CCDC13: variants seen among roughly 807,000 people sequenced by gnomAD.
The protein encoded by CCDC13 is coiled-coil domain-containing protein 13.
CCDC13 carries 70 observed loss-of-function variants against 87.3 expected under a neutral mutation model. That is an observed-to-expected ratio of 0.80 (90% CI 0.66 to 0.98). The LOEUF (loss-of-function observed/expected upper bound fraction) is 0.98, where lower values mean the gene tolerates loss of function less well. Among genes scored for constraint, CCDC13 ranks in the 50% least tolerant of loss-of-function variants. The pLI, the probability that CCDC13 is intolerant of heterozygous loss-of-function variation, is 0.00. For missense variants in CCDC13, 842 were observed against 892.0 expected, an observed-to-expected ratio of 0.94 and a Z score of 0.71; for synonymous variants, 317 against 360.3, an observed-to-expected ratio of 0.88 and a Z score of 1.36.
intron 14 of CCDC13, among the ~76,000 whole-genome samples, chr3:42,712,557 T>C (rs948460987): frequency 6.6e-6 from 1 of 152,146 alleles, no homozygotes; most frequent in Non-Finnish European, 1.5e-5. Flanking sequence ...AGAGCAGAAG[T>C]GACATATGCA....
chr3:42,725,326 G>A (rs1007043999), intron 13 of CCDC13, among the ~76,000 whole-genome samples: 3 of 152,076 alleles, frequency 2.0e-5, no homozygotes, highest in African/African-American at 7.2e-5. Context: ...TTGTGATACA[G>A]ATATACTCCC....
Position 42,758,280 on chromosome 3 carries a change from C to T in CCDC13, c.66G>A (p.Gln22=), listed in dbSNP as rs1240689502. ...CCATCTGCTTCTGTAACCGTTTGTG[C>T]TGCATCTCCTGCATTGCCTTGAACT... The part of the protein sequence containing the change: ...RLQFKAMQEM[Q]HKRLQKQMEK... The change falls in exon 2 of 16, where the codon CAG becomes CAA. Residue 22 remains glutamine, a synonymous_variant. Coordinates refer to ENST00000310232, the MANE Select transcript of CCDC13 (RefSeq NM_144719.4). The T allele has an allele frequency of 1.2e-6, 2 of 1,613,534 alleles. No individual in the cohort carries two copies. Among genetic ancestry groups the T allele is most frequent in the Non-Finnish European group, 1.7e-6 (2 of 1,180,040 alleles).
In CCDC13 at chr3:42,730,553, T is replaced by C. The variant is rs1698801038; in HGVS notation, c.1632A>G (p.Ala544=). 1 of 1,614,026 alleles carries C rather than the reference T, an allele frequency of 6.2e-7. No homozygotes were observed. Among genetic ancestry groups the C allele is most frequent in the African/African-American group, 1.3e-5 (1 of 74,936 alleles). ...SDSPEQKGWQ[A]QVSEIKALWQ... ...AGAGGGCCTTGATCTCTGACACTTG[T>C]GCCTGCCAGCCTTTTTGTTCTGGGG... Residue 544 remains alanine (A), a synonymous_variant, in exon 13 of 16, where the codon GCA becomes GCG. Transcript: ENST00000310232.
At position 42,726,024 on chromosome 3, in the gene CCDC13, G is replaced by A. The variant is rs569782371; in HGVS notation, c.1718+4443C>T. Among the ~76,000 whole-genome samples, 177 of 152,292 alleles carry A rather than the reference G, an allele frequency of 1.2e-3. 1 individual carries two copies. Among genetic ancestry groups the A allele is most frequent in the Middle Eastern group, 0.01 (3 of 294 alleles). ...GAAAGAACAAATGCTATAAGAAAGA[G>A]AACAAGAGGGTTTTGTTGTTGTTGT... is the stretch of plus-strand genomic sequence containing the variant. On this transcript the variant is annotated intron_variant, in intron 13 of 15. Coordinates refer to ENST00000310232, the MANE Select transcript of CCDC13 (RefSeq NM_144719.4).
At chr3:42,763,994 C>CA (rs1274571832) in intron 1 of CCDC13, among the ~76,000 whole-genome samples, 1 of 152,120 alleles carries the variant, frequency 6.6e-6, no homozygotes, top group African/African-American at 2.4e-5. Flanking sequence ...AGGACAACTC[C>CA]AAGGTTGGGA....
rs772892318 is a variant in CCDC13 at position 42,747,280 on chromosome 3, G to A, written c.697C>T (p.Gln233Ter). ...DLRNQIQSVKQELRMAQKVLA... is the reference protein window; with the variant it reads ...DLRNQIQSVK ...ACCTTCTGTGCCATCCGCAGCTCCT[G>A]CTTCACAGACTGGATCTGGTTTCGG... Residue 233 changes from glutamine (Q) to a stop codon, truncating the protein, a stop_gained, in exon 6 of 16, where the codon CAG becomes TAG. Transcript: ENST00000310232. LOFTEE classifies it high-confidence loss of function. 2.1e-5 allele frequency: 34 copies of A among 1,613,964 alleles called. No homozygotes were observed. Among genetic ancestry groups the A allele is most frequent in the Non-Finnish European group, 2.9e-5 (34 of 1,179,982 alleles).
At chr3:42,733,244 A>G (rs1373228571) in intron 11 of CCDC13, among the ~76,000 whole-genome samples, 4 of 152,230 alleles carry the variant, frequency 2.6e-5, no homozygotes, top group Admixed American at 1.3e-4. Flanking sequence ...GCTCTTACAG[A>G]GAGCTGCAAC....
chr3:42,731,039 T>A (rs1274564025), intron 12 of CCDC13, among the ~76,000 whole-genome samples: 2 of 152,142 alleles, frequency 1.3e-5, no homozygotes, highest in Non-Finnish European at 2.9e-5. Flanking sequence ...CCCACTTTCC[T>A]GGAGCCTGTG....
At chr3:42,716,945 T>G (rs1400110987) in intron 13 of CCDC13, among the ~76,000 whole-genome samples, 2 of 152,220 alleles carry the variant, frequency 1.3e-5, no homozygotes, top group East Asian at 3.8e-4. Context: ...ATGAATAGAT[T>G]GACAAAATGT....
chr3:42,716,113 A>G (rs1386768188), intron 13 of CCDC13, among the ~76,000 whole-genome samples: 1 of 152,204 alleles, frequency 6.6e-6, no homozygotes, highest in Non-Finnish European at 1.5e-5. Context: ...CCACATACCA[A>G]CTACTGTGTT....
intron 8 of CCDC13, among the ~76,000 whole-genome samples, chr3:42,742,401 A>G (rs927159969): frequency 2.6e-5 from 4 of 152,202 alleles, no homozygotes; most frequent in Non-Finnish European, 4.4e-5. Flanking sequence ...ACCTGAAGCT[A>G]GGCCACCTCT....
chr3:42,712,679 C>T lies in CCDC13; in HGVS notation c.1873+483G>A, dbSNP rs529757276. 3.5e-4 allele frequency among the ~76,000 whole-genome samples: 54 copies of T among 152,308 alleles called. No individual in the cohort carries two copies. In the Middle Eastern group the frequency reaches 0.014, roughly 38 times the overall value. On this transcript the variant is annotated intron_variant, in intron 14 of 15. Coordinates refer to ENST00000310232, the MANE Select transcript of CCDC13 (RefSeq NM_144719.4). ...GAAGATGGAAGCTGCATGTTGAGAA[C>T]AGTGGAGCCACAAAACAGAGGGAGC...
chr3:42,744,406 C>T (rs1699329468), intron 7 of CCDC13, among the ~76,000 whole-genome samples: 1 of 152,170 alleles, frequency 6.6e-6, no homozygotes, highest in South Asian at 2.1e-4. Flanking sequence ...GCTAGGCTCC[C>T]TGGCAAAGGG....
chr3:42,747,832 G>A (rs551382654), intron 5 of CCDC13, among the ~76,000 whole-genome samples: 1 of 152,308 alleles, frequency 6.6e-6, no homozygotes, highest in African/African-American at 2.4e-5. Flanking sequence ...AGGAAACCAC[G>A]TTATTCCCCG....
At chr3:42,756,406 TGGGGCCACCATG>T (rs1699704748) in intron 3 of CCDC13, among the ~76,000 whole-genome samples, 2 of 152,138 alleles carry the variant, frequency 1.3e-5, no homozygotes, top group South Asian at 4.1e-4. Flanking sequence ...ACCAGACTCA[TGGGGCCACCATG>T]AGGTCTCCAC....
intron 6 of CCDC13, 191 bp downstream of exon 6, chr3:42,747,066 T>G: frequency 1.4e-6 from 1 of 706,088 alleles, no homozygotes; most frequent in Non-Finnish European, 2.6e-6. Context: ...CCAGCGACTC[T>G]GCCCACCAAA....
chr3:42,763,880 G>A (rs144726921), intron 1 of CCDC13, among the ~76,000 whole-genome samples: 1 of 152,142 alleles, frequency 6.6e-6, no homozygotes, highest in Admixed American at 6.5e-5. Flanking sequence ...CTGAGACCAC[G>A]TGCCCAAGGT....
intron 13 of CCDC13, among the ~76,000 whole-genome samples, chr3:42,725,963 C>G (rs141819523): frequency 1.3e-5 from 2 of 152,064 alleles, no homozygotes; most frequent in Admixed American, 1.3e-4. Flanking sequence ...GGAATAAGTT[C>G]AAAATTATTT....
intron 3 of CCDC13, among the ~76,000 whole-genome samples, chr3:42,755,268 C>G (rs1699680568): frequency 6.6e-6 from 1 of 152,120 alleles, no homozygotes; most frequent in South Asian, 2.1e-4. Flanking sequence ...CCAAAAGAAA[C>G]CGATCTATCA....
Sources: gnomAD v4.1 joint callset for allele counts (sites outside exome capture counted in the v4.1 genomes callset) on GRCh38, gnomAD v4.1.1 for gene constraint, MANE v1.5 for transcripts, NCBI Gene and HGNC (gene_info 2026-07-23, HGNC 2026-07-21) for gene names.